Variants in ANKFN1 observed in about 807,000 individuals in gnomAD.
ANKFN1 encodes the protein ankyrin repeat and fibronectin type-III domain-containing protein 1.
A neutral mutation model predicts 108.7 loss-of-function variants in ANKFN1; 74 were observed. The observed-to-expected ratio is 0.68, with a 90% CI of 0.56 to 0.83. The LOEUF (loss-of-function observed/expected upper bound fraction) is 0.83, where lower values mean the gene tolerates loss of function less well. ANKFN1 is among the 40% of genes least tolerant of loss of function. ANKFN1 has a pLI of 0.00. For missense variants in ANKFN1, 1,505 were observed against 1,382.3 expected (o/e 1.09, Z -1.41); for synonymous variants, 547 against 516.2 (o/e 1.06, Z -0.81).
At chr17:56,384,262 T>G (rs2047194254) in intron 8 of ANKFN1, among the ~76,000 whole-genome samples, 1 of 152,166 alleles carries the variant, frequency 6.6e-6, no homozygotes, top group Non-Finnish European at 1.5e-5. Context: ...GAACAGGCCT[T>G]TGATAAAATT....
At chr17:56,193,998 C>A (rs1046669759) in intron 1 of ANKFN1, among the ~76,000 whole-genome samples, 1 of 152,154 alleles carries the variant, frequency 6.6e-6, no homozygotes, top group Middle Eastern at 3.2e-3. Flanking sequence ...AGAAGATATA[C>A]AGATGGCAAG....
At chr17:56,419,943 A>G (rs547104495) in intron 8 of ANKFN1, among the ~76,000 whole-genome samples, 58 of 152,288 alleles carry the variant, frequency 3.8e-4, no homozygotes, top group Non-Finnish European at 6.9e-4. Flanking sequence ...ATAGTCCTAA[A>G]TAGACAGACA....
intron 20 of ANKFN1, among the ~76,000 whole-genome samples, chr17:56,503,498 T>C (rs1238611218): frequency 2.5e-5 from 3 of 118,640 alleles, no homozygotes; most frequent in Non-Finnish European, 5.0e-5. Flanking sequence ...TATATATATA[T>C]ATATATATAT....
intron 10 of ANKFN1, among the ~76,000 whole-genome samples, chr17:56,445,559 T>A (rs1349829878): frequency 6.6e-6 from 1 of 152,212 alleles, no homozygotes; most frequent in Non-Finnish European, 1.5e-5. Context: ...ACATGCCCTA[T>A]CGCTTGGAAG....
intron 8 of ANKFN1, among the ~76,000 whole-genome samples, chr17:56,428,450 G>A (rs185340510): frequency 8.2e-4 from 124 of 150,784 alleles, no homozygotes; most frequent in African/African-American, 2.7e-3. Context: ...TCAAATAATT[G>A]GAGCTTTTTT....
rs372802798 is a variant in ANKFN1, at chr17:56,467,181, A to G, written c.1773+610A>G. On this transcript the variant is annotated intron_variant, in intron 15 of 20. Coordinates refer to ENST00000682825, the MANE Select transcript of ANKFN1 (RefSeq NM_001370326.1). ...AGGGGATAGGGAATCTCTAGATAGT[A>G]TAATCAAAACATTAAACCAATATCT... 3.9e-5 allele frequency among the ~76,000 whole-genome samples: 6 copies of G among 152,298 alleles called. No individual in the cohort carries two copies. In the South Asian group the frequency reaches 6.2e-4, roughly 16 times the overall value.
intron 8 of ANKFN1, among the ~76,000 whole-genome samples, chr17:56,416,700 G>A (rs2048250415): frequency 6.6e-6 from 1 of 152,160 alleles, no homozygotes; most frequent in Non-Finnish European, 1.5e-5. Flanking sequence ...CGATCCCGCT[G>A]CTAGATATAT....
At chr17:56,213,601 A>G (rs1465886205) in intron 2 of ANKFN1, among the ~76,000 whole-genome samples, 1 of 152,146 alleles carries the variant, frequency 6.6e-6, no homozygotes, top group Non-Finnish European at 1.5e-5. Flanking sequence ...CTTTCCCCTG[A>G]TTTAAGAAAG....
intron 4 of ANKFN1, among the ~76,000 whole-genome samples, chr17:56,112,454 G>A (rs571886779): frequency 1.3e-5 from 2 of 151,726 alleles, no homozygotes; most frequent in South Asian, 4.2e-4. Context: ...ATACTTGATT[G>A]TAAAATAGCC....
intron 15 of ANKFN1, among the ~76,000 whole-genome samples, chr17:56,467,834 G>GAA (rs1568026725): frequency 5.0e-5 from 3 of 60,356 alleles, no homozygotes; most frequent in African/African-American, 1.8e-4. Context: ...AAGAAAGAAA[G>GAA]AAAGAAAGAA....
intron 3 of ANKFN1, among the ~76,000 whole-genome samples, chr17:56,295,468 G>C (rs1251186418): frequency 6.6e-6 from 1 of 152,152 alleles, no homozygotes; most frequent in Non-Finnish European, 1.5e-5. Flanking sequence ...CAAGACTCTT[G>C]AAGCAGATAC....
intron 19 of ANKFN1, 92 bp from the exon 20 acceptor site, chr17:56,498,790 C>T (rs551047349): frequency 7.0e-5 from 73 of 1,050,312 alleles, no homozygotes; most frequent in East Asian, 1.3e-4. Context: ...GCCAATATTG[C>T]GGAAAATGGA....
At chr17:56,227,697 C>T (rs2143909615) in intron 2 of ANKFN1, among the ~76,000 whole-genome samples, 1 of 152,174 alleles carries the variant, frequency 6.6e-6, no homozygotes, top group Admixed American at 6.5e-5. Flanking sequence ...GGGAGCTGAG[C>T]ATGTGATGAG....
At chr17:56,281,028 T>C (rs1598347328) in intron 3 of ANKFN1, among the ~76,000 whole-genome samples, 1 of 152,348 alleles carries the variant, frequency 6.6e-6, no homozygotes, top group African/African-American at 2.4e-5. Flanking sequence ...GCCTTTCACC[T>C]TCTGCCATGA....
chr17:56,373,953 C>A (rs1311344185), intron 7 of ANKFN1, among the ~76,000 whole-genome samples: 3 of 152,162 alleles, frequency 2.0e-5, no homozygotes, highest in Non-Finnish European at 4.4e-5. Flanking sequence ...CCTTTAAAAC[C>A]TGAGGTTAGT....
At chr17:56,400,691 T>G (rs1487279391) in intron 8 of ANKFN1, among the ~76,000 whole-genome samples, 1 of 152,134 alleles carries the variant, frequency 6.6e-6, no homozygotes, top group African/African-American at 2.4e-5. Flanking sequence ...TTTTTCCAAT[T>G]TAATCTTCTA....
chr17:56,332,332 C>T (rs1175554846), intron 4 of ANKFN1, among the ~76,000 whole-genome samples: 1 of 152,112 alleles, frequency 6.6e-6, no homozygotes, highest in Non-Finnish European at 1.5e-5. Context: ...TCTGCACAGG[C>T]TACTCTTCCC....
chr17:56,416,910 A>C (rs1483807580), intron 8 of ANKFN1, among the ~76,000 whole-genome samples: 1 of 152,218 alleles, frequency 6.6e-6, no homozygotes, highest in Non-Finnish European at 1.5e-5. Flanking sequence ...TTGCAACAAC[A>C]TGGATGGGGC....
intron 3 of ANKFN1, among the ~76,000 whole-genome samples, chr17:56,314,254 T>C (rs1037048409): frequency 1.3e-5 from 2 of 152,232 alleles, no homozygotes; most frequent in Non-Finnish European, 2.9e-5. Context: ...ATTCTTTCCG[T>C]GAGCATTTAT....
Sources: allele counts gnomAD v4.1 joint callset (sites outside exome capture counted in the v4.1 genomes callset), GRCh38; gene constraint gnomAD v4.1.1; transcripts MANE v1.5; gene names NCBI Gene and HGNC (gene_info 2026-07-23, HGNC 2026-07-21).